Variants in TUBB6 observed in about 807,000 individuals in gnomAD.
TUBB6 encodes the protein tubulin beta-6 chain.
TUBB6 carries 18 observed loss-of-function variants against 32.3 expected under a neutral mutation model. The ratio of observed to expected loss-of-function variants is 0.56; its 90% CI spans 0.39 to 0.83. The LOEUF (loss-of-function observed/expected upper bound fraction) is 0.83. Ranked by LOEUF, TUBB6 falls within the 40% of genes least tolerant of loss-of-function variation. TUBB6 has a pLI of 0.00. For missense variants in TUBB6, 480 were observed against 632.0 expected, an observed-to-expected ratio of 0.76 and a Z score of 2.58; for synonymous variants, 280 against 265.8, an observed-to-expected ratio of 1.05 and a Z score of -0.52.
chr18:12,325,305 G>T lies in TUBB6; in HGVS notation c.516G>T (p.Ser172=). The change falls in exon 4 of 4, where the codon TCG becomes TCT. Residue 172 remains serine, a synonymous_variant. Transcript: ENST00000317702. ...RIMNTFSVMP[S]PKVSDTVVEP... The stretch of plus-strand genomic sequence containing the variant: ...TGAACACCTTCAGCGTCATGCCCTC[G>T]CCCAAGGTGTCGGACACGGTGGTGG... The T allele has an allele frequency of 6.2e-7, 1 of 1,614,188 alleles. No individual in the cohort carries two copies. Among genetic ancestry groups the T allele is most frequent in the Middle Eastern group, 1.7e-4 (1 of 6,060 alleles).
At chr18:12,320,348 A>C (rs1906923560) in intron 3 of TUBB6, among the ~76,000 whole-genome samples, 1 of 152,246 alleles carries the variant, frequency 6.6e-6, no homozygotes, top group Non-Finnish European at 1.5e-5. Flanking sequence ...CATCCTTCAA[A>C]GACAACCTGT....
chr18:12,320,019 A>G (rs1357284486), intron 3 of TUBB6, among the ~76,000 whole-genome samples: 1 of 151,726 alleles, frequency 6.6e-6, no homozygotes, highest in African/African-American at 2.4e-5. Flanking sequence ...CAATCTCCTG[A>G]CCTCGTGATC....
chr18:12,308,957 G>GT (rs1213705343), intron 2 of TUBB6, among the ~76,000 whole-genome samples, 162 bp downstream of exon 2: 1 of 152,238 alleles, frequency 6.6e-6, no homozygotes, highest in African/African-American at 2.4e-5. Context: ...TCCGCCGTCA[G>GT]TTTATTCAAA....
At chr18:12,321,019 G>T (rs1906960452) in intron 3 of TUBB6, among the ~76,000 whole-genome samples, 1 of 152,146 alleles carries the variant, frequency 6.6e-6, no homozygotes, top group South Asian at 2.1e-4. Flanking sequence ...CAGAAAAATA[G>T]AATCTCCTTG....
downstream of TUBB6, chr18:12,329,640 T>C: frequency 1.2e-6 from 2 of 1,614,208 alleles, no homozygotes; most frequent in South Asian, 2.2e-5. Flanking sequence ...TAAGGCCTTC[T>C]GGAAGTGAGG....
intron 3 of TUBB6, among the ~76,000 whole-genome samples, chr18:12,321,793 A>C (rs1051866705): frequency 3.9e-5 from 6 of 152,246 alleles, no homozygotes; most frequent in Admixed American, 3.3e-4. Flanking sequence ...ATTTTATTAA[A>C]AATTAAATTG....
intron 3 of TUBB6, among the ~76,000 whole-genome samples, chr18:12,313,994 G>C (rs1027686730): frequency 2.6e-5 from 4 of 152,246 alleles, no homozygotes; most frequent in African/African-American, 7.2e-5. Context: ...TGTGAGAAAG[G>C]AAAAAGGACG....
chr18:12,325,840 G>A lies in TUBB6; in HGVS notation c.1051G>A (p.Val351Met). The change falls in exon 4 of 4, where the codon GTG becomes ATG. Residue 351 changes from valine (V) to methionine (M), a missense_variant. By Grantham distance (21) the Val-to-Met change is conservative (BLOSUM62 1). Transcript: ENST00000317702. Reference sequence around the variant, plus strand: ...GGAGTGGATTCCCAACAACGTGAAGGTGGCCGTGTGCGACATCCCGCCCCG... The same window carrying A: ...GGAGTGGATTCCCAACAACGTGAAGATGGCCGTGTGCGACATCCCGCCCCG... ...FVEWIPNNVK[V>M]AVCDIPPRGL... 3.7e-6 allele frequency: 6 copies of A among 1,614,128 alleles called. No individual in the cohort carries two copies. The highest frequency in any genetic ancestry group is 5.1e-6 in the Non-Finnish European group (6 of 1,180,060).
chr18:12,329,257 C>A, downstream of TUBB6: 2 of 701,178 alleles, frequency 2.9e-6, no homozygotes, highest in South Asian at 3.0e-5. Flanking sequence ...GCCACACGGT[C>A]AGCCGACCCC....
At chr18:12,311,326 G>A (rs913970987) in intron 3 of TUBB6, among the ~76,000 whole-genome samples, 3 of 152,110 alleles carry the variant, frequency 2.0e-5, no homozygotes, top group African/African-American at 4.8e-5. Context: ...AGCCAGGCGC[G>A]GTGGCTCATG....
downstream of TUBB6, chr18:12,328,807 G>T (rs982503885): frequency 2.9e-5 from 8 of 274,846 alleles, no homozygotes; most frequent in African/African-American, 1.3e-4. Flanking sequence ...ACTCTAGAAG[G>T]TTCCAACCTC....
intron 3 of TUBB6, chr18:12,324,779 T>G (rs1310135067): frequency 7.7e-7 from 1 of 1,295,268 alleles, no homozygotes; most frequent in East Asian, 2.8e-5. Context: ...TGTATACCTT[T>G]TGTTCCCTTT....
intron 3 of TUBB6, among the ~76,000 whole-genome samples, chr18:12,316,274 G>C (rs562370597): frequency 1.3e-5 from 2 of 152,366 alleles, no homozygotes; most frequent in South Asian, 4.1e-4. Context: ...GTTTTCTTTG[G>C]TTTATTTGAA....
At chr18:12,315,707 G>A (rs1424944430) in intron 3 of TUBB6, among the ~76,000 whole-genome samples, 2 of 152,120 alleles carry the variant, frequency 1.3e-5, no homozygotes, top group Non-Finnish European at 1.5e-5. Flanking sequence ...GCAACTCAGC[G>A]CACGCTGCAC....
rs1907324286 is a variant in TUBB6 at position 12,326,268 on chromosome 18, C to T, written c.*138C>T. 1.6e-6 allele frequency: 2 copies of T among 1,286,614 alleles called. No homozygotes were observed. The highest frequency in any genetic ancestry group is 2.1e-6 in the Non-Finnish European group (2 of 961,750). The allele number at this position is 1,286,614 out of a possible 1,614,324, so 79.7% of individuals were successfully genotyped here. The stretch of plus-strand genomic sequence containing the variant: ...CGGCCCCTCACAAATGCAGCCAAGT[C>T]ATGTAATTAGTCATCTGGAACAAAG... On this transcript the variant is annotated 3_prime_UTR_variant, in exon 4 of 4. Transcript: ENST00000317702.
Position 12,325,094 on chromosome 18 carries a change from C to T in TUBB6, c.305C>T (p.Ala102Val). Residue 102 changes from alanine (A) to valine (V), a missense_variant, in exon 4 of 4, where the codon GCG becomes GTG. Physicochemically the swap from Ala to Val is moderately conservative, Grantham distance 64 (BLOSUM62 0). Coordinates refer to ENST00000317702, the MANE Select transcript of TUBB6 (RefSeq NM_032525.3). The part of the protein sequence containing the change: ...FGQTGAGNNW[A>V]KGHYTEGAEL... ...CAGACGGGTGCAGGGAACAACTGGG[C>T]GAAAGGGCACTACACGGAGGGCGCG... The T allele has an allele frequency of 6.3e-7, 1 of 1,581,082 alleles. No individual in the cohort carries two copies. The highest frequency in any genetic ancestry group is 8.6e-7 in the Non-Finnish European group (1 of 1,160,426).
intron 3 of TUBB6, among the ~76,000 whole-genome samples, chr18:12,312,349 CTG>C (rs1416905742): frequency 6.6e-6 from 1 of 150,722 alleles, no homozygotes; most frequent in Non-Finnish European, 1.5e-5. Context: ...CCAAGTAAGA[CTG>C]AGAGGCAGAC....
chr18:12,311,296 T>C (rs578063558), intron 3 of TUBB6, among the ~76,000 whole-genome samples: 1 of 152,228 alleles, frequency 6.6e-6, no homozygotes, highest in South Asian at 2.1e-4. Flanking sequence ...TGGTAGTTCT[T>C]GATTAAAAAA....
At chr18:12,317,988 A>C (rs764086905) in intron 3 of TUBB6, among the ~76,000 whole-genome samples, 146 of 152,300 alleles carry the variant, frequency 9.6e-4, no homozygotes, top group Non-Finnish European at 1.7e-3. Context: ...AAATGGTGTG[A>C]GCTGCAGAGG....
Sources: gnomAD v4.1 joint callset for allele counts (sites outside exome capture counted in the v4.1 genomes callset) on GRCh38, gnomAD v4.1.1 for gene constraint, MANE v1.5 for transcripts, NCBI Gene and HGNC (gene_info 2026-07-23, HGNC 2026-07-21) for gene names.